The following M1AP variants were observed in gnomAD, a reference collection of about 807,000 sequenced individuals.
M1AP encodes meiosis 1 arrest protein.
In M1AP, 39 loss-of-function variants were observed where a neutral mutation model predicts 51.2. The ratio of observed to expected loss-of-function variants is 0.76; its 90% confidence interval spans 0.59 to 1.00. The LOEUF is 1.00. Among genes scored for constraint, M1AP ranks in the 50% least tolerant of loss-of-function variants. The pLI is 0.00. For missense variants in M1AP, 545 were observed against 641.2 expected, an observed-to-expected ratio of 0.85 and a Z score of 1.62; for synonymous variants, 251 against 249.2, an observed-to-expected ratio of 1.01 and a Z score of -0.07.
chr2:74,561,313 G>A (rs1677996505), intron 8 of M1AP, among the ~76,000 whole-genome samples: 2 of 151,846 alleles, frequency 1.3e-5, no homozygotes, highest in African/African-American at 4.8e-5. Context: ...TTGCTCCTCT[G>A]CATCTGCATC....
intron 1 of M1AP, 193 bp downstream of exon 1, chr2:74,648,072 T>G (rs1036713620): frequency 1.0e-6 from 1 of 985,466 alleles, no homozygotes; most frequent in East Asian, 1.1e-4. Context: ...CAGAACAGTA[T>G]GCGGAGGGAT....
At chr2:74,630,356 A>G (rs1011336399) in intron 2 of M1AP, among the ~76,000 whole-genome samples, 2 of 152,224 alleles carry the variant, frequency 1.3e-5, no homozygotes, top group Admixed American at 1.3e-4. Context: ...GTTCTGGGAT[A>G]CATGTGCAGA....
chr2:74,569,550 T>C (rs1334118602), intron 7 of M1AP, among the ~76,000 whole-genome samples: 1 of 151,984 alleles, frequency 6.6e-6, no homozygotes, highest in Non-Finnish European at 1.5e-5. Flanking sequence ...AATTTTTGTA[T>C]TTTTAGTAGA....
intron 2 of M1AP, among the ~76,000 whole-genome samples, chr2:74,621,220 T>G (rs201375181): frequency 1.3e-5 from 2 of 151,668 alleles, no homozygotes; most frequent in East Asian, 3.9e-4. Flanking sequence ...AGGTGGAGGT[T>G]GCAGTGAGCA....
chr2:74,625,870 C>A (rs538947557), intron 2 of M1AP, among the ~76,000 whole-genome samples: 1 of 152,212 alleles, frequency 6.6e-6, no homozygotes, highest in African/African-American at 2.4e-5. Context: ...TGTTCCTCCC[C>A]GTGAGAAGTT....
At chr2:74,605,814 T>C (rs1160478552) in intron 4 of M1AP, among the ~76,000 whole-genome samples, 2 of 149,860 alleles carry the variant, frequency 1.3e-5, no homozygotes, top group African/African-American at 4.9e-5. Context: ...GGCAGGAGAA[T>C]GGCATGAACC....
chr2:74,575,769 G>C (rs1679027774), intron 6 of M1AP, among the ~76,000 whole-genome samples, 190 bp from the exon 7 acceptor site: 1 of 152,366 alleles, frequency 6.6e-6, no homozygotes, highest in African/African-American at 2.4e-5. Flanking sequence ...CAAAGTTCAG[G>C]AACCTGTGCA....
intron 8 of M1AP, among the ~76,000 whole-genome samples, chr2:74,560,726 G>A (rs983457648): frequency 6.6e-6 from 1 of 152,174 alleles, no homozygotes; most frequent in Non-Finnish European, 1.5e-5. Flanking sequence ...AAAGGGAGGA[G>A]GGGATACAGG....
intron 1 of M1AP, among the ~76,000 whole-genome samples, chr2:74,640,617 C>T (rs996479909): frequency 1.2e-4 from 19 of 152,100 alleles, no homozygotes; most frequent in African/African-American, 4.1e-4. Context: ...CACACCACCA[C>T]GCCCAGCTAA....
At chr2:74,602,412 ATAT>A (rs1178737865) in intron 4 of M1AP, among the ~76,000 whole-genome samples, 1 of 152,226 alleles carries the variant, frequency 6.6e-6, no homozygotes, top group Non-Finnish European at 1.5e-5. Flanking sequence ...ATTTTCAAAA[ATAT>A]TAATAATAAG....
intron 6 of M1AP, 143 bp downstream of exon 6, chr2:74,576,313 C>T (rs1679062088): frequency 2.3e-6 from 2 of 860,294 alleles, no homozygotes; most frequent in Non-Finnish European, 1.8e-6. Context: ...TTTGCTTCCT[C>T]ATGCCATAGC....
intron 2 of M1AP, among the ~76,000 whole-genome samples, chr2:74,630,457 T>C (rs1356618187): frequency 6.6e-6 from 1 of 152,138 alleles, no homozygotes; most frequent in Admixed American, 6.6e-5. Flanking sequence ...CCACATGCAT[T>C]AGCTATTGGT....
intron 2 of M1AP, among the ~76,000 whole-genome samples, chr2:74,637,001 T>A (rs1683022438): frequency 6.6e-6 from 1 of 152,220 alleles, no homozygotes; most frequent in African/African-American, 2.4e-5. Flanking sequence ...TTATCAAAAT[T>A]AGAAAAATTT....
At chr2:74,592,363 T>C (rs969895656) in intron 4 of M1AP, among the ~76,000 whole-genome samples, 10 of 152,200 alleles carry the variant, frequency 6.6e-5, no homozygotes, top group Admixed American at 2.6e-4. Flanking sequence ...AATATTTTGG[T>C]ATAGTCTTAA....
At chr2:74,565,914 A>T (rs1270806630) in intron 7 of M1AP, among the ~76,000 whole-genome samples, 1 of 151,982 alleles carries the variant, frequency 6.6e-6, no homozygotes, top group African/African-American at 2.4e-5. Context: ...AATGCTCAGT[A>T]AACTAGGAGT....
At chr2:74,618,336 A>G (rs1384086597) in intron 2 of M1AP, among the ~76,000 whole-genome samples, 1 of 152,208 alleles carries the variant, frequency 6.6e-6, no homozygotes, top group East Asian at 1.9e-4. Context: ...CCCACCAGAC[A>G]CCACCTGTAC....
At chr2:74,597,132 A>G (rs1022547402) in intron 4 of M1AP, among the ~76,000 whole-genome samples, 1 of 152,256 alleles carries the variant, frequency 6.6e-6, no homozygotes, top group African/African-American at 2.4e-5. Context: ...AAGGAAGGAA[A>G]GGAAAAATTT....
intron 8 of M1AP, among the ~76,000 whole-genome samples, chr2:74,560,864 C>T (rs145883426): frequency 1.4e-3 from 206 of 152,228 alleles, no homozygotes; most frequent in Non-Finnish European, 2.3e-3. Flanking sequence ...TCTCTGTGGC[C>T]GCCAAGCCAA....
rs182704615 is a variant in M1AP at position 74,612,095 on chromosome 2, C to T, written c.426+2869G>A. Among the ~76,000 whole-genome samples the T allele has an allele frequency of 9.2e-5, 14 of 151,442 alleles. 1 individual carries two copies. The highest frequency in any genetic ancestry group is 2.7e-4 in the African/African-American group (11 of 41,290). Reference sequence around the variant, plus strand: ...TTTTTTAGTAGAGATGGGGTTTCACCGTGTCCAGGATGGTCTCGATCGCCT... The same window carrying T: ...TTTTTTAGTAGAGATGGGGTTTCACTGTGTCCAGGATGGTCTCGATCGCCT... On this transcript the variant is annotated intron_variant, in intron 3 of 10. Coordinates refer to ENST00000421985, the MANE Select transcript of M1AP (RefSeq NM_001321739.2).
Sources: gnomAD v4.1 joint callset for allele counts (sites outside exome capture counted in the v4.1 genomes callset) on GRCh38, gnomAD v4.1.1 for gene constraint, MANE v1.5 for transcripts, NCBI Gene and HGNC (gene_info 2026-07-23, HGNC 2026-07-21) for gene names.